The following BPIFB2 variants were observed in gnomAD, a reference collection of about 807,000 sequenced individuals.
BPIFB2 encodes the protein BPI fold-containing family B member 2.
BPIFB2 carries 39 observed loss-of-function variants against 50.1 expected under a neutral mutation model. The observed-to-expected ratio is 0.78, with a 90% CI of 0.60 to 1.02. The LOEUF is 1.02. Ranked by LOEUF, BPIFB2 falls within the 50% of genes least tolerant of loss-of-function variation. The pLI is 0.00. For synonymous variants in BPIFB2, 280 were observed against 256.3 expected, an observed-to-expected ratio of 1.09 and a Z score of -0.88; for missense variants, 574 against 585.8, an observed-to-expected ratio of 0.98 and a Z score of 0.21.
At chr20:33,010,563 ACT>A (rs1568975916) in intron 2 of BPIFB2, among the ~76,000 whole-genome samples, 1 of 151,548 alleles carries the variant, frequency 6.6e-6, no homozygotes, top group Non-Finnish European at 1.5e-5. Context: ...GATCTGAGAG[ACT>A]CTTGAGTCCT....
rs533041937 is a variant in BPIFB2 at position 33,013,924 on chromosome 20, G to A, written c.423G>A (p.Ser141=). The part of the protein sequence containing the change: ...VVSISACSLF[S]GHANEFDGSN... Reference sequence around the variant, plus strand: ...GCATCTCTGCCTGCTCTTTATTCTCGGGCCACGCCAACGAGTTTGATGGCA... The same window carrying A: ...GCATCTCTGCCTGCTCTTTATTCTCAGGCCACGCCAACGAGTTTGATGGCA... Residue 141 remains serine, a synonymous_variant, in exon 5 of 16, where the codon TCG becomes TCA. Coordinates refer to ENST00000170150, the MANE Select transcript of BPIFB2 (RefSeq NM_025227.3). 5.0e-6 allele frequency: 8 copies of A among 1,613,840 alleles called. No individual in the cohort carries two copies. Among genetic ancestry groups the A allele is most frequent in the African/African-American group, 1.3e-5 (1 of 75,048 alleles).
intron 13 of BPIFB2, 133 bp downstream of exon 13, chr20:33,020,720 C>A: frequency 9.4e-7 from 1 of 1,066,652 alleles, no homozygotes; most frequent in Non-Finnish European, 1.3e-6. Flanking sequence ...CTTCCCCGGG[C>A]TGCTTGGGGA....
intron 5 of BPIFB2, among the ~76,000 whole-genome samples, chr20:33,014,193 T>G (rs1990326306): frequency 6.6e-6 from 1 of 152,148 alleles, no homozygotes; most frequent in South Asian, 2.1e-4. Flanking sequence ...CTGCACCACT[T>G]GACAATACAC....
rs1450816235 is a variant in BPIFB2, at chr20:33,009,617, T to C, written c.109+934T>C. Among the ~76,000 whole-genome samples, 1 of 152,152 alleles carries C rather than the reference T, an allele frequency of 6.6e-6. No homozygotes were observed. Among genetic ancestry groups the C allele is most frequent in the Non-Finnish European group, 1.5e-5 (1 of 68,024 alleles). On this transcript the variant is annotated intron_variant, in intron 2 of 15. Coordinates refer to ENST00000170150, the MANE Select transcript of BPIFB2 (RefSeq NM_025227.3). This position sits in a 1 kb window ranked among gnomAD's most constrained non-coding sequence, Gnocchi z 4.2. ...TTCCGGGACCTCATATCCGGGCTGA[T>C]GGGCAGGCAATGAAAGGGGTCAGTG...
rs750354316 is a variant in BPIFB2, at chr20:33,021,784, G to C, written c.1320G>C (p.Glu440Asp). ...GVVNLHYVAP[E>D]IFVYEGYVVI... is the part of the protein sequence containing the mutation. ...TCAACCTCCACTATGTCGCCCCTGAGATCTTTGTCTATGAGGTGAGAGCCT... is the reference window on the plus strand; with the variant it reads ...TCAACCTCCACTATGTCGCCCCTGACATCTTTGTCTATGAGGTGAGAGCCT... The change falls in exon 15 of 16, where the codon GAG becomes GAC. Residue 440 changes from glutamate (E) to aspartate (D), a missense_variant. Glu to Asp is a conservative substitution (Grantham distance 45). Coordinates refer to ENST00000170150, the MANE Select transcript of BPIFB2 (RefSeq NM_025227.3). The C allele has an allele frequency of 1.2e-6, 2 of 1,613,940 alleles. No individual in the cohort carries two copies. Among genetic ancestry groups the C allele is most frequent in the Non-Finnish European group, 1.7e-6 (2 of 1,179,822 alleles).
chr20:33,020,228 C>T lies in BPIFB2; in HGVS notation c.1081-100C>T, dbSNP rs571393242. ...GCACATAGCAGGGGCTCCACAGACA[C>T]CTGCTGCCTGAATGAGTCGGGGGAT... is the stretch of plus-strand genomic sequence containing the variant. On this transcript the variant is annotated intron_variant, in intron 11 of 15. Transcript: ENST00000170150. 199 of 1,187,278 alleles carry T rather than the reference C, an allele frequency of 1.7e-4. No individual in the cohort carries two copies. The African/African-American group carries it at 2.5e-3, about 15-fold the overall frequency. The allele number at this position is 1,187,278 out of a possible 1,614,324, so 73.5% of individuals were successfully genotyped here. A position where few individuals can be genotyped will look rare whatever the true frequency, so the allele number is the denominator to read the frequency against.
chr20:33,012,992 C>A, intron 4 of BPIFB2, 85 bp downstream of exon 4: 1 of 1,085,880 alleles, frequency 9.2e-7, no homozygotes, highest in South Asian at 1.3e-5. Flanking sequence ...GTAGCAACTC[C>A]TCCAGGGCCC....
chr20:33,008,784 C>T, intron 2 of BPIFB2, 101 bp downstream of exon 2: 1 of 1,008,468 alleles, frequency 9.9e-7, no homozygotes, highest in Non-Finnish European at 1.4e-6. Context: ...CCATGAGGAC[C>T]CAGATTTTAA....
At chr20:33,018,915 G>T (rs1028274431) in intron 9 of BPIFB2, 93 bp downstream of exon 9, 1 of 1,568,082 alleles carries the variant, frequency 6.4e-7, no homozygotes, top group Non-Finnish European at 8.7e-7. Flanking sequence ...TCATGGGTGG[G>T]TGGGGCCGCT....
intron 5 of BPIFB2, among the ~76,000 whole-genome samples, chr20:33,014,910 G>T (rs531523204): frequency 6.6e-6 from 1 of 152,346 alleles, no homozygotes; most frequent in African/African-American, 2.4e-5. Flanking sequence ...CAGGGAGCTG[G>T]TTCAGCAAGG....
intron 9 of BPIFB2, 82 bp from the exon 10 acceptor site, chr20:33,018,980 C>A (rs1035643539): frequency 8.2e-6 from 13 of 1,593,462 alleles, no homozygotes; most frequent in Non-Finnish European, 1.1e-5. Flanking sequence ...CTATGGGGAG[C>A]GATTGCTCAG....
chr20:33,019,696 G>C lies in BPIFB2; in HGVS notation c.1026G>C (p.Glu342Asp). 6.2e-7 allele frequency: 1 copy of C among 1,612,036 alleles called. No homozygotes were observed. Residue 342 changes from glutamate (E) to aspartate (D), a missense_variant, in exon 11 of 16, where the codon GAG becomes GAC. Transcript: ENST00000170150. ...CCCTGCGGCTGCAGCCCTTCGTGGA[G>C]GTCCTGGCCACAGCCTCCAACTCGG... ...NATLRLQPFV[E>D]VLATASNSAF...
At chr20:33,010,934 C>A in intron 2 of BPIFB2, 90 bp from the exon 3 acceptor site, 6 of 1,147,132 alleles carry the variant, frequency 5.2e-6, no homozygotes, top group South Asian at 1.3e-5. Context: ...TACCCTCTGC[C>A]CAAGGTGCAG....
In BPIFB2 at chr20:33,023,492, C is replaced by T. The variant is rs1426511734; in HGVS notation, c.*109C>T. The T allele has an allele frequency of 7.7e-7, 1 of 1,304,372 alleles. No individual in the cohort carries two copies. The highest frequency in any genetic ancestry group is 1.5e-5 in the African/African-American group (1 of 68,686). 80.8% of individuals were successfully genotyped at this position (1,304,372 alleles called of 1,614,324 possible). A position where few individuals can be genotyped will look rare whatever the true frequency, so the allele number is the denominator to read the frequency against. ...CAAAACCATACTTAGTCATCACCAACAAGCTGGACTGCTTAGCTGGGCTGT... is the reference window on the plus strand; with the variant it reads ...CAAAACCATACTTAGTCATCACCAATAAGCTGGACTGCTTAGCTGGGCTGT... On this transcript the variant is annotated 3_prime_UTR_variant, in exon 16 of 16. Coordinates refer to ENST00000170150, the MANE Select transcript of BPIFB2 (RefSeq NM_025227.3).
intron 15 of BPIFB2, 94 bp from the exon 16 acceptor site, chr20:33,023,248 A>G (rs1446471601): frequency 7.8e-7 from 1 of 1,275,690 alleles, no homozygotes; most frequent in African/African-American, 1.5e-5. Flanking sequence ...CACAGCAAGA[A>G]TGGCAGAGCA....
chr20:33,020,714 C>A, intron 13 of BPIFB2, 127 bp downstream of exon 13: 1 of 1,138,456 alleles, frequency 8.8e-7, no homozygotes, highest in Non-Finnish European at 1.2e-6. Flanking sequence ...GTCAGGCTTC[C>A]CCGGGCTGCT....
rs6141863 is a variant in BPIFB2 at position 33,009,273 on chromosome 20, G to A, written c.109+590G>A. On this transcript the variant is annotated intron_variant, in intron 2 of 15. Transcript: ENST00000170150. This position sits in a 1 kb window ranked among gnomAD's most constrained non-coding sequence, Gnocchi z 4.2. The stretch of plus-strand genomic sequence containing the variant: ...TGTGCGAGGGCTCTGTCTTACGGCT[G>A]TGCTGCTAGATCCTTCCAAGTCTTG... Among the ~76,000 whole-genome samples, 5 of 152,334 alleles carry A rather than the reference G, an allele frequency of 3.3e-5. No individual in the cohort carries two copies. In the East Asian group the frequency reaches 9.6e-4, roughly 29 times the overall value.
chr20:33,016,867 C>T lies in BPIFB2; in HGVS notation c.517-175C>T, dbSNP rs543557701. Reference sequence around the variant, plus strand: ...TTGGGTTGCTTCTCCTCTGTTTCTTCGGTGCCTGGAAGGGGTCCCAGGAGA... The same window carrying T: ...TTGGGTTGCTTCTCCTCTGTTTCTTTGGTGCCTGGAAGGGGTCCCAGGAGA... On this transcript the variant is annotated intron_variant, in intron 6 of 15. Transcript: ENST00000170150. Among the ~76,000 whole-genome samples the T allele has an allele frequency of 4.3e-4, 66 of 152,332 alleles. 1 individual carries two copies. The highest frequency in any genetic ancestry group is 3.4e-3 in the Middle Eastern group (1 of 294).
At chr20:33,013,188 A>G (rs932318523) in intron 4 of BPIFB2, among the ~76,000 whole-genome samples, 15 of 152,150 alleles carry the variant, frequency 9.9e-5, no homozygotes, top group Non-Finnish European at 1.8e-4. Context: ...TAAAGTGCCA[A>G]TGACGGTTTG....
Sources: allele counts gnomAD v4.1 joint callset (sites outside exome capture counted in the v4.1 genomes callset), GRCh38; gene constraint gnomAD v4.1.1; non-coding constraint Gnocchi (gnomAD v3.1); transcripts MANE v1.5; gene names NCBI Gene and HGNC (gene_info 2026-07-23, HGNC 2026-07-21).